Variants in TENM3 observed in about 807,000 individuals in gnomAD.
TENM3 encodes teneurin-3.
Under a neutral mutation model 255.1 loss-of-function variants are expected in TENM3, and 63 were observed. The ratio of observed to expected loss-of-function variants is 0.25; its 90% confidence interval spans 0.20 to 0.30. TENM3 has a LOEUF of 0.30. Among genes scored for constraint, TENM3 ranks in the 10% least tolerant of loss-of-function variants. The probability of loss-of-function intolerance (pLI) is 1.00; values close to 1 mark genes in which losing one functional copy is unlikely to be tolerated. For missense variants in TENM3, 2,929 were observed against 3,461.1 expected (o/e 0.85, Z 3.86); for synonymous variants, 1,306 against 1,322.3 (o/e 0.99, Z 0.27).
chr4:181,531,312 A>C, the TENM3 span, among the ~76,000 whole-genome samples: 1,194 of 152,210 alleles, frequency 7.8e-3, 16 homozygotes, highest in African/African-American at 0.027. Context: ...GCAGGAGTGA[A>C]CCCCAACGAC....
the TENM3 span, among the ~76,000 whole-genome samples, chr4:181,577,357 T>A: frequency 6.6e-6 from 1 of 151,556 alleles, no homozygotes; most frequent in Middle Eastern, 3.4e-3. Context: ...TGGATTTTTC[T>A]TAAGGATTTT....
At chr4:181,857,562 A>C in the TENM3 span, among the ~76,000 whole-genome samples, 303 of 98,622 alleles carry the variant, frequency 3.1e-3, 4 homozygotes, top group African/African-American at 0.014. Flanking sequence ...AAAAAAAAAA[A>C]AAAAAAAAAA....
chr4:182,306,195 T>C (rs1762122213), intron 1 of TENM3, among the ~76,000 whole-genome samples: 1 of 151,378 alleles, frequency 6.6e-6, no homozygotes, highest in African/African-American at 2.4e-5. Flanking sequence ...TCTTTCTTTC[T>C]TTTTTTTTCT....
At chr4:181,705,919 C>T in the TENM3 span, among the ~76,000 whole-genome samples, 1 of 152,118 alleles carries the variant, frequency 6.6e-6, no homozygotes, top group Non-Finnish European at 1.5e-5. Context: ...AAATTTAAGT[C>T]ATTGAGCCTG....
At chr4:182,169,349 A>G (rs1192955520) in intron 1 of TENM3, 1 of 471,764 alleles carries the variant, frequency 2.1e-6, no homozygotes, top group East Asian at 6.8e-5. Flanking sequence ...ATACTTTTCA[A>G]CTCTAATGGG....
upstream of TENM3, chr4:182,142,450 AAACT>A (rs1172924610): frequency 1.2e-5 from 2 of 167,136 alleles, no homozygotes; most frequent in East Asian, 3.8e-4. Flanking sequence ...AACTTTGGAT[AAACT>A]AACATAAAGG....
At chr4:182,080,452 A>C in the TENM3 span, among the ~76,000 whole-genome samples, 2 of 152,202 alleles carry the variant, frequency 1.3e-5, no homozygotes, top group Non-Finnish European at 2.9e-5. Context: ...AGTGTAAAGT[A>C]AAATCTTAAA....
chr4:182,288,163 C>G (rs1027117382), intron 1 of TENM3, among the ~76,000 whole-genome samples: 1 of 151,842 alleles, frequency 6.6e-6, no homozygotes, highest in Non-Finnish European at 1.5e-5. Flanking sequence ...CTCGAACTCC[C>G]GACCTCAGGT....
chr4:181,811,752 A>C, the TENM3 span, among the ~76,000 whole-genome samples: 15 of 152,280 alleles, frequency 9.9e-5, no homozygotes, highest in South Asian at 1.2e-3. Flanking sequence ...GAATGGGGGA[A>C]ATCACCCACG....
intron 3 of TENM3, among the ~76,000 whole-genome samples, chr4:182,495,657 C>T (rs1304731364): frequency 6.6e-6 from 1 of 152,156 alleles, no homozygotes; most frequent in African/African-American, 2.4e-5. Flanking sequence ...CCCCGTAGTG[C>T]TGCTCATTAT....
At chr4:181,879,774 C>T in the TENM3 span, among the ~76,000 whole-genome samples, 806 of 152,162 alleles carry the variant, frequency 5.3e-3, 5 homozygotes, top group African/African-American at 0.018. Flanking sequence ...ACTCTTATTC[C>T]CTCTCATAAA....
chr4:182,146,915 T>G (rs927495670), intron 1 of TENM3, among the ~76,000 whole-genome samples: 2 of 152,208 alleles, frequency 1.3e-5, no homozygotes, highest in African/African-American at 4.8e-5. Context: ...AGGTAAATTA[T>G]TGAGGCTTTT....
the TENM3 span, among the ~76,000 whole-genome samples, chr4:181,605,112 C>T: frequency 1.3e-5 from 2 of 151,994 alleles, no homozygotes. Flanking sequence ...CCTATTAGCT[C>T]ATGGGGTAAA....
Position 182,419,680 on chromosome 4 carries a change from C to T in TENM3, c.511+72751C>T, listed in dbSNP as rs530683810. On this transcript the variant is annotated intron_variant, in intron 3 of 27. Coordinates refer to ENST00000511685, the MANE Select transcript of TENM3 (RefSeq NM_001080477.4). ...TATGGCACATATACACCATGGAATA[C>T]TATGTAGCCATGAAAAAGAATGAGT... 1.2e-3 allele frequency among the ~76,000 whole-genome samples: 187 copies of T among 152,218 alleles called. 2 individuals are homozygous for T. In the South Asian group the frequency reaches 0.035, roughly 28 times the overall value.
At chr4:182,732,580 C>T (rs1000373535) in intron 16 of TENM3, among the ~76,000 whole-genome samples, 1 of 152,182 alleles carries the variant, frequency 6.6e-6, no homozygotes, top group African/African-American at 2.4e-5. Flanking sequence ...AATTCCAGCA[C>T]TTTGGGAGGC....
the TENM3 span, among the ~76,000 whole-genome samples, chr4:182,133,727 C>CTT: frequency 6.6e-6 from 1 of 152,172 alleles, no homozygotes; most frequent in Non-Finnish European, 1.5e-5. Context: ...CTCTCACCCT[C>CTT]TTCGTTTTGT....
chr4:181,736,778 C>G, the TENM3 span, among the ~76,000 whole-genome samples: 1 of 152,010 alleles, frequency 6.6e-6, no homozygotes, highest in Non-Finnish European at 1.5e-5. Context: ...TTCATAACCC[C>G]CCAGTTCACC....
At chr4:181,451,760 T>C in the TENM3 span, among the ~76,000 whole-genome samples, 1 of 152,298 alleles carries the variant, frequency 6.6e-6, no homozygotes, top group East Asian at 1.9e-4. Context: ...GGATGCAGAA[T>C]ACCTAAGATG....
the TENM3 span, among the ~76,000 whole-genome samples, chr4:181,805,561 A>C: frequency 6.6e-6 from 1 of 151,442 alleles, no homozygotes; most frequent in Admixed American, 6.6e-5. Context: ...CTCAACGTTC[A>C]ACTGATCCTT....
Sources: gnomAD v4.1 joint callset for allele counts (sites outside exome capture counted in the v4.1 genomes callset) on GRCh38, gnomAD v4.1.1 for gene constraint, MANE v1.5 for transcripts, NCBI Gene and HGNC (gene_info 2026-07-23, HGNC 2026-07-21) for gene names.